Variants in CTNND2 observed in about 807,000 individuals in gnomAD.
The protein encoded by CTNND2 is catenin delta 2.
In CTNND2, 22 loss-of-function variants were observed where a neutral mutation model predicts 144.4. The ratio of observed to expected loss-of-function variants is 0.15; its 90% CI spans 0.11 to 0.22. CTNND2 has a LOEUF of 0.22. Among genes scored for constraint, CTNND2 ranks in the 10% least tolerant of loss-of-function variants. The pLI is 1.00. For synonymous variants in CTNND2, 751 were observed against 695.6 expected (o/e 1.08, Z -1.25); for missense variants, 1,353 against 1,618.8 (o/e 0.84, Z 2.82).
intron 1 of CTNND2, among the ~76,000 whole-genome samples, chr5:11,763,562 C>A (rs1789400903): frequency 6.6e-6 from 1 of 152,164 alleles, no homozygotes; most frequent in Admixed American, 6.5e-5. Context: ...TAATTGTCCT[C>A]CAAATTTGAT....
At chr5:11,279,159 C>A (rs1282992707) in intron 9 of CTNND2, among the ~76,000 whole-genome samples, 2 of 152,128 alleles carry the variant, frequency 1.3e-5, no homozygotes, top group Non-Finnish European at 2.9e-5. Context: ...GTTCTATAGA[C>A]AAATACCTGT....
chr5:11,054,839 C>T (rs1746189584), intron 16 of CTNND2, among the ~76,000 whole-genome samples: 4 of 152,144 alleles, frequency 2.6e-5, no homozygotes, highest in Admixed American at 2.0e-4. Flanking sequence ...GATAGTTCCA[C>T]GCTTGTGTTT....
rs1237719374 is a variant in CTNND2, at chr5:11,173,495, T to G, written c.1976-13736A>C. On this transcript the variant is annotated intron_variant, in intron 11 of 21. Coordinates refer to ENST00000304623, the MANE Select transcript of CTNND2 (RefSeq NM_001332.4). ...GTTCTTTTCATGTCCTGTGGAAACC[T>G]TGATGAGAGCTGATGTGCAGGGGGC... Among the ~76,000 whole-genome samples, 16 of 152,306 alleles carry G rather than the reference T, an allele frequency of 1.1e-4. No individual in the cohort carries two copies. In the East Asian group the frequency reaches 2.9e-3, roughly 28 times the overall value.
Position 11,129,122 on chromosome 5 carries a change from AAT to A in CTNND2, c.2160-11557_2160-11556del, listed in dbSNP as rs1259547787. Among the ~76,000 whole-genome samples, 95 of 15,958 alleles carry A rather than the reference AAT, an allele frequency of 6.0e-3. 3 individuals carry two copies. The highest frequency in any genetic ancestry group is 0.014 in the African/African-American group (93 of 6,762). 10.5% of individuals were successfully genotyped at this position (15,958 alleles called of 152,430 possible). On this transcript the variant is annotated intron_variant, in intron 12 of 21. Coordinates refer to ENST00000304623, the MANE Select transcript of CTNND2 (RefSeq NM_001332.4). ...TAAATAAAATATATATATTATATATAATATATATTTATATATATTATATATAA... is the reference window on the plus strand; with the variant it reads ...TAAATAAAATATATATATTATATATAATATATTTATATATATTATATATAA...
At chr5:11,044,285 G>T (rs548947115) in intron 16 of CTNND2, among the ~76,000 whole-genome samples, 1 of 152,278 alleles carries the variant, frequency 6.6e-6, no homozygotes, top group East Asian at 1.9e-4. Context: ...CGACAGGGAG[G>T]TGAGTGATCA....
intron 2 of CTNND2, among the ~76,000 whole-genome samples, chr5:11,642,082 A>G (rs1056438214): frequency 1.6e-4 from 25 of 152,148 alleles, no homozygotes; most frequent in African/African-American, 6.0e-4. Flanking sequence ...ATTGTTTCTT[A>G]AAAGTGAAAA....
intron 6 of CTNND2, among the ~76,000 whole-genome samples, chr5:11,392,190 G>A (rs1210048126): frequency 8.5e-5 from 13 of 152,168 alleles, no homozygotes; most frequent in Non-Finnish European, 1.5e-5. Flanking sequence ...CAAACATGGT[G>A]ACGTAGATTT....
intron 2 of CTNND2, among the ~76,000 whole-genome samples, chr5:11,624,225 G>C (rs750948469): frequency 6.6e-4 from 100 of 151,942 alleles, no homozygotes; most frequent in Non-Finnish European, 1.1e-3. Context: ...CAAATCTATT[G>C]TTCTCTCAAT....
At chr5:11,280,852 C>A (rs1747039264) in intron 9 of CTNND2, among the ~76,000 whole-genome samples, 1 of 152,166 alleles carries the variant, frequency 6.6e-6, no homozygotes, top group African/African-American at 2.4e-5. Context: ...CCTGTCTCTT[C>A]TTCCCACAGA....
chr5:11,173,254 G>A (rs964975100), intron 11 of CTNND2, among the ~76,000 whole-genome samples: 1 of 152,232 alleles, frequency 6.6e-6, no homozygotes, highest in Non-Finnish European at 1.5e-5. Flanking sequence ...AGAGAGCTGG[G>A]GAATGTTATG....
At chr5:11,443,462 T>A (rs1764528068) in intron 3 of CTNND2, among the ~76,000 whole-genome samples, 1 of 150,848 alleles carries the variant, frequency 6.6e-6, no homozygotes, top group Non-Finnish European at 1.5e-5. Flanking sequence ...CTGTGCGGTG[T>A]GTGTGTGTGC....
At chr5:11,181,671 C>CTGTGTGTGTGTCTGTGTGG (rs1403448266) in intron 11 of CTNND2, among the ~76,000 whole-genome samples, 1 of 147,960 alleles carries the variant, frequency 6.8e-6, no homozygotes, top group Non-Finnish European at 1.5e-5. Flanking sequence ...GTGTGTGTGT[C>CTGTGTGTGTGTCTGTGTGG]TGTGTGTGTG....
intron 11 of CTNND2, among the ~76,000 whole-genome samples, chr5:11,165,093 G>T (rs922495248): frequency 6.6e-6 from 1 of 152,154 alleles, no homozygotes; most frequent in Non-Finnish European, 1.5e-5. Context: ...GCAAAATGAC[G>T]TCATGCCTAG....
intron 1 of CTNND2, among the ~76,000 whole-genome samples, chr5:11,805,346 C>T (rs1791933597): frequency 2.6e-5 from 4 of 152,032 alleles, no homozygotes; most frequent in Admixed American, 2.6e-4. Context: ...AACTGACAGT[C>T]TAAAAACAAG....
At chr5:11,570,981 C>T (rs1488714283) in intron 2 of CTNND2, among the ~76,000 whole-genome samples, 1 of 151,956 alleles carries the variant, frequency 6.6e-6, no homozygotes, top group African/African-American at 2.4e-5. Flanking sequence ...AAAGTTTTAT[C>T]AATTTAATCA....
chr5:11,844,732 T>C (rs1310997759), intron 1 of CTNND2, among the ~76,000 whole-genome samples: 1 of 152,188 alleles, frequency 6.6e-6, no homozygotes, highest in African/African-American at 2.4e-5. Flanking sequence ...TTTTTAAAAA[T>C]CTCAATAACT....
intron 3 of CTNND2, among the ~76,000 whole-genome samples, chr5:11,509,485 AATAATGAAAAAAAGGAAAGTAGGAGGGT>A: frequency 6.6e-6 from 1 of 152,228 alleles, no homozygotes; most frequent in Non-Finnish European, 1.5e-5. Flanking sequence ...AAAAAAACTG[AATAATGAAAAAAAGGAAAGTAGGAGGGT>A]TAAAGAGCGG....
rs372516605 is a variant in CTNND2 at position 11,790,691 on chromosome 5, T to C, written c.38-58419A>G. 7.2e-5 allele frequency among the ~76,000 whole-genome samples: 11 copies of C among 152,270 alleles called. No homozygotes were observed. The East Asian group carries it at 1.9e-3, about 27-fold the overall frequency. Reference sequence around the variant, plus strand: ...AGAGTTTACACAGTAAATCTACAAATATCACTCATAAAAGAAATGTTTACG... The same window carrying C: ...AGAGTTTACACAGTAAATCTACAAACATCACTCATAAAAGAAATGTTTACG... On this transcript the variant is annotated intron_variant, in intron 1 of 21. Coordinates refer to ENST00000304623, the MANE Select transcript of CTNND2 (RefSeq NM_001332.4).
chr5:11,675,775 T>A (rs1784144244), intron 2 of CTNND2, among the ~76,000 whole-genome samples: 1 of 152,092 alleles, frequency 6.6e-6, no homozygotes, highest in Non-Finnish European at 1.5e-5. Flanking sequence ...TGTGTATGTG[T>A]GTGTGGAGGC....
Sources: gnomAD v4.1 joint callset for allele counts (sites outside exome capture counted in the v4.1 genomes callset) on GRCh38, gnomAD v4.1.1 for gene constraint, MANE v1.5 for transcripts, NCBI Gene and HGNC (gene_info 2026-07-23, HGNC 2026-07-21) for gene names.